ATRNL1: variants seen among roughly 807,000 people sequenced by gnomAD.
ATRNL1 encodes the protein attractin like 1, also known as attractin-like protein 1.
ATRNL1 carries 95 observed loss-of-function variants against 182.7 expected under a neutral mutation model. That is an observed-to-expected ratio of 0.52 (90% CI 0.44 to 0.62). The LOEUF is 0.62. Ranked by LOEUF, ATRNL1 falls within the 20% of genes least tolerant of loss-of-function variation. The probability of loss-of-function intolerance (pLI) is 0.00; values close to 1 mark genes in which losing one functional copy is unlikely to be tolerated. For missense variants in ATRNL1, 1,471 were observed against 1,679.5 expected (o/e 0.88, Z 2.17); for synonymous variants, 576 against 568.3 (o/e 1.01, Z -0.19).
chr10:115,896,145 C>G (rs1238601038), intron 28 of ATRNL1, among the ~76,000 whole-genome samples: 3 of 151,912 alleles, frequency 2.0e-5, no homozygotes, highest in Admixed American at 2.0e-4. Flanking sequence ...TTTTAAAAAC[C>G]CATAAAAACA....
chr10:115,375,944 T>A (rs1179579743), intron 19 of ATRNL1, among the ~76,000 whole-genome samples: 1 of 152,184 alleles, frequency 6.6e-6, no homozygotes, highest in Non-Finnish European at 1.5e-5. Flanking sequence ...TATTTTCATA[T>A]TTTTAATGTT....
chr10:115,517,548 A>G (rs1554984167), intron 24 of ATRNL1, among the ~76,000 whole-genome samples: 1 of 151,684 alleles, frequency 6.6e-6, no homozygotes, highest in Admixed American at 6.6e-5. Flanking sequence ...ATTTTATGTT[A>G]TGTTTATTAT....
intron 26 of ATRNL1, among the ~76,000 whole-genome samples, chr10:115,637,135 C>T (rs782523077): frequency 6.6e-5 from 10 of 152,218 alleles, no homozygotes; most frequent in Non-Finnish European, 8.8e-5. Context: ...GGTGTATTAT[C>T]TGCTTAAAAG....
rs950808761 is a variant in ATRNL1 at position 115,159,982 on chromosome 10, T to G, written c.830-58T>G. ...AATTCTCTTAATCCATATGTTGTAT[T>G]TCTATAATCTGAGGGCTTTGTTTAA... On this transcript the variant is annotated intron_variant, in intron 5 of 28. Transcript: ENST00000355044. The G allele has an allele frequency of 8.5e-6, 11 of 1,296,570 alleles. No homozygotes were observed. In the East Asian group the frequency reaches 2.7e-4, roughly 32 times the overall value. The allele number at this position is 1,296,570 out of a possible 1,614,324, so 80.3% of individuals were successfully genotyped here.
At chr10:115,232,210 CA>C (rs1289009825) in intron 9 of ATRNL1, among the ~76,000 whole-genome samples, 3 of 152,094 alleles carry the variant, frequency 2.0e-5, no homozygotes, top group South Asian at 4.1e-4. Flanking sequence ...GCACTTCTAC[CA>C]GGGGTGAATG....
At position 115,692,260 on chromosome 10, in the gene ATRNL1, A is replaced by C. The variant is rs1007622193; in HGVS notation, c.3796-34988A>C. On this transcript the variant is annotated intron_variant, in intron 26 of 28. Transcript: ENST00000355044. The stretch of plus-strand genomic sequence containing the variant: ...GTGAAGCTAATAGGTGCCTGATGGG[A>C]CCCTATTGCTTTGAGGATCTAATTG... 2.0e-5 allele frequency among the ~76,000 whole-genome samples: 3 copies of C among 152,178 alleles called. No individual in the cohort carries two copies. The East Asian group carries it at 5.8e-4, about 29-fold the overall frequency.
At chr10:115,156,803 T>C (rs76442637) in intron 5 of ATRNL1, among the ~76,000 whole-genome samples, 1,883 of 152,234 alleles carry the variant, frequency 0.012, 34 homozygotes, top group African/African-American at 0.042. Context: ...TTGCATGAGA[T>C]ACTAAAGTAT....
chr10:115,438,560 C>T (rs782345186), intron 21 of ATRNL1, among the ~76,000 whole-genome samples: 5 of 151,908 alleles, frequency 3.3e-5, no homozygotes, highest in Non-Finnish European at 5.9e-5. Context: ...AGCCTTTTCT[C>T]TTTATATATT....
intron 26 of ATRNL1, among the ~76,000 whole-genome samples, chr10:115,605,765 C>T (rs1056249896): frequency 3.3e-5 from 5 of 151,824 alleles, no homozygotes; most frequent in African/African-American, 1.2e-4. Flanking sequence ...AATATTCAAG[C>T]CATGATTGCA....
intron 26 of ATRNL1, among the ~76,000 whole-genome samples, chr10:115,662,798 A>G (rs1229351528): frequency 3.9e-5 from 6 of 152,126 alleles, no homozygotes; most frequent in African/African-American, 1.4e-4. Context: ...ATAAAAAATG[A>G]TGCTCCAAAT....
At chr10:115,313,683 T>A (rs1854150803) in intron 17 of ATRNL1, among the ~76,000 whole-genome samples, 1 of 151,828 alleles carries the variant, frequency 6.6e-6, no homozygotes, top group Admixed American at 6.6e-5. Context: ...TCATGATCCT[T>A]TCTTAAGAAA....
chr10:115,328,956 T>G (rs1855060302), intron 18 of ATRNL1, among the ~76,000 whole-genome samples: 1 of 152,178 alleles, frequency 6.6e-6, no homozygotes, highest in Non-Finnish European at 1.5e-5. Flanking sequence ...TTCAACATAC[T>G]GATTTTATTT....
intron 24 of ATRNL1, among the ~76,000 whole-genome samples, chr10:115,473,871 C>G (rs1396645148): frequency 2.0e-5 from 3 of 151,322 alleles, no homozygotes; most frequent in African/African-American, 7.3e-5. Flanking sequence ...CAATTCCCCA[C>G]AGTCATTTCT....
chr10:115,828,769 T>G (rs1589568722), intron 27 of ATRNL1, among the ~76,000 whole-genome samples: 1 of 152,196 alleles, frequency 6.6e-6, no homozygotes, highest in Non-Finnish European at 1.5e-5. Flanking sequence ...GCTGCCAAGT[T>G]TCACCACCTC....
intron 6 of ATRNL1, among the ~76,000 whole-genome samples, chr10:115,164,488 A>G (rs1428273246): frequency 8.5e-5 from 13 of 152,228 alleles, no homozygotes; most frequent in African/African-American, 3.1e-4. Flanking sequence ...ATATGTAGCC[A>G]AAAGAAAGTA....
intron 1 of ATRNL1, among the ~76,000 whole-genome samples, chr10:115,110,475 A>G (rs1490225069): frequency 5.9e-5 from 9 of 152,112 alleles, no homozygotes; most frequent in African/African-American, 1.5e-4. Context: ...CCTCATTCAT[A>G]TAACTGGAAT....
At chr10:115,478,892 C>A (rs891605131) in intron 24 of ATRNL1, among the ~76,000 whole-genome samples, 3 of 151,560 alleles carry the variant, frequency 2.0e-5, no homozygotes, top group African/African-American at 7.3e-5. Flanking sequence ...CTCCTACTAT[C>A]TCCTGTCCTT....
chr10:115,867,105 A>G (rs1266294965), intron 28 of ATRNL1, among the ~76,000 whole-genome samples: 2 of 152,154 alleles, frequency 1.3e-5, no homozygotes, highest in African/African-American at 2.4e-5. Context: ...TGAAATTCCT[A>G]TTTTTCACAG....
At chr10:115,177,896 T>G (rs1351540371) in intron 8 of ATRNL1, among the ~76,000 whole-genome samples, 2 of 127,922 alleles carry the variant, frequency 1.6e-5, no homozygotes, top group Admixed American at 7.7e-5. Flanking sequence ...TTTGGTTTTG[T>G]TTTTTTGTTT....
Sources: gnomAD v4.1 joint callset for allele counts (sites outside exome capture counted in the v4.1 genomes callset) on GRCh38, gnomAD v4.1.1 for gene constraint, MANE v1.5 for transcripts, NCBI Gene and HGNC (gene_info 2026-07-23, HGNC 2026-07-21) for gene names.